ARHGEF28: variants seen among roughly 807,000 people sequenced by gnomAD.
ARHGEF28 encodes the protein Rho guanine nucleotide exchange factor 28, also known as 190 kDa guanine nucleotide exchange factor.
ARHGEF28 carries 152 observed loss-of-function variants against 206.6 expected under a neutral mutation model. That is an observed-to-expected ratio of 0.74 (90% CI 0.64 to 0.84). The LOEUF is 0.84. Ranked by LOEUF, ARHGEF28 falls within the 40% of genes least tolerant of loss-of-function variation. The pLI is 0.00. For missense variants in ARHGEF28, 2,028 were observed against 2,073.2 expected (o/e 0.98, Z 0.42); for synonymous variants, 763 against 776.4 (o/e 0.98, Z 0.29).
chr5:73,792,981 G>A (rs955044894), intron 7 of ARHGEF28, among the ~76,000 whole-genome samples: 7 of 152,142 alleles, frequency 4.6e-5, no homozygotes, highest in Middle Eastern at 3.2e-3. Context: ...GGGATGCTGT[G>A]TACACAAGCT....
chr5:73,736,788 CCA>C (rs1750962126), intron 2 of ARHGEF28, among the ~76,000 whole-genome samples: 1 of 151,528 alleles, frequency 6.6e-6, no homozygotes, highest in Non-Finnish European at 1.5e-5. Context: ...TAGGTACCTG[CCA>C]TGGTAAGGTT....
chr5:73,667,542 T>C (rs1746032361), intron 1 of ARHGEF28, among the ~76,000 whole-genome samples: 1 of 152,136 alleles, frequency 6.6e-6, no homozygotes, highest in Admixed American at 6.5e-5. Context: ...GCCATCAGGG[T>C]CATTCTCCCA....
Position 73,753,131 on chromosome 5 carries a change from A to C in ARHGEF28, c.404A>C (p.Glu135Ala), listed in dbSNP as rs1217089468. Reference sequence around the variant, plus strand: ...GGAGCACTGCCTGCCTTGGATGAGGAGCTCGTGCTGGCTCTGACCCATCTG... The same window carrying C: ...GGAGCACTGCCTGCCTTGGATGAGGCGCTCGTGCTGGCTCTGACCCATCTG... The part of the protein sequence containing the change: ...TAGALPALDE[E>A]LVLALTHLEL... The change falls in exon 4 of 36, where the codon GAG (glutamate) becomes GCG (alanine). Residue 135 changes from glutamate to alanine, a missense_variant. Glu to Ala is a moderately radical substitution (Grantham distance 107). Transcript: ENST00000513042. The C allele has an allele frequency of 6.3e-7, 1 of 1,578,926 alleles. No individual in the cohort carries two copies.
intron 6 of ARHGEF28, chr5:73,778,076 T>TA (rs11378540): frequency 0.42 from 59,234 of 140,558 alleles, 12,456 homozygotes; most frequent in Non-Finnish European, 0.46. Context: ...AGACTCCGTC[T>TA]AAAAAAAAAA....
chr5:73,736,152 T>G (rs1750915951), intron 2 of ARHGEF28, among the ~76,000 whole-genome samples: 1 of 152,252 alleles, frequency 6.6e-6, no homozygotes, highest in South Asian at 2.1e-4. Context: ...TTCACAGTCC[T>G]TGAACATGGT....
intron 2 of ARHGEF28, among the ~76,000 whole-genome samples, chr5:73,740,165 A>C (rs1751293284): frequency 1.4e-5 from 2 of 141,352 alleles, no homozygotes; most frequent in Non-Finnish European, 3.1e-5. Context: ...TGATATAGTG[A>C]GAACCTATCT....
At chr5:73,909,999 TAAG>T in intron 34 of ARHGEF28, 102 bp downstream of exon 34, 1 of 1,387,970 alleles carries the variant, frequency 7.2e-7, no homozygotes, top group South Asian at 1.7e-5. Context: ...TGGATTTGTG[TAAG>T]AAGACCTCAT....
intron 7 of ARHGEF28, chr5:73,786,528 G>A (rs1754171616): frequency 6.6e-6 from 1 of 152,160 alleles, no homozygotes; most frequent in Non-Finnish European, 1.5e-5. Context: ...ATTCCAAATG[G>A]TTCATCTCTC....
intron 9 of ARHGEF28, chr5:73,813,772 C>T (rs555554693): frequency 7.2e-5 from 90 of 1,255,830 alleles, no homozygotes; most frequent in South Asian, 3.8e-4. Context: ...CAATGTAGCG[C>T]GTGTTTATAC....
At chr5:73,761,898 A>T (rs1482364893) in intron 4 of ARHGEF28, among the ~76,000 whole-genome samples, 2 of 151,036 alleles carry the variant, frequency 1.3e-5, no homozygotes, top group Admixed American at 1.3e-4. Flanking sequence ...GTGTCGCTGT[A>T]TTGCCCAGGC....
At chr5:73,885,515 C>G (rs886563845) in intron 24 of ARHGEF28, among the ~76,000 whole-genome samples, 2 of 144,674 alleles carry the variant, frequency 1.4e-5, no homozygotes, top group Non-Finnish European at 3.0e-5. Flanking sequence ...CTCACTCTGT[C>G]TCGTAGGCTG....
intron 16 of ARHGEF28, among the ~76,000 whole-genome samples, chr5:73,863,826 C>T (rs1364967008): frequency 6.6e-6 from 1 of 151,992 alleles, no homozygotes; most frequent in Non-Finnish European, 1.5e-5. Context: ...TGATGCTTAT[C>T]AGCCGGGCCA....
At chr5:73,703,738 G>A (rs1009811224) in intron 2 of ARHGEF28, among the ~76,000 whole-genome samples, 1 of 151,634 alleles carries the variant, frequency 6.6e-6, no homozygotes, top group African/African-American at 2.4e-5. Flanking sequence ...GTCTTGGTTG[G>A]TATAGAAGAT....
At chr5:73,831,970 C>T (rs185963940) in intron 9 of ARHGEF28, among the ~76,000 whole-genome samples, 97 of 152,224 alleles carry the variant, frequency 6.4e-4, no homozygotes, top group African/African-American at 2.1e-3. Flanking sequence ...GGATTACAGG[C>T]GTGAGACACC....
At chr5:73,766,153 C>CA (rs369385323) in intron 4 of ARHGEF28, among the ~76,000 whole-genome samples, 13,305 of 114,446 alleles carry the variant, frequency 0.12, 992 homozygotes, top group African/African-American at 0.23. Context: ...GACTCCATCT[C>CA]AAAAAAAAAA....
chr5:73,646,936 TGTG>T (rs1397927762), intron 1 of ARHGEF28, among the ~76,000 whole-genome samples: 1 of 152,166 alleles, frequency 6.6e-6, no homozygotes, highest in African/African-American at 2.4e-5. Context: ...TGCTTATTGG[TGTG>T]GTGGCAGCTG....
Position 73,755,329 on chromosome 5 carries a change from A to T in ARHGEF28, c.475+2127A>T, listed in dbSNP as rs147050187. ...AAGGTGTTTTTTTGGGGGGGTGTGG[A>T]TCCATTTTGACAAAGACACAAAAGT... On this transcript the variant is annotated intron_variant, in intron 4 of 35. Coordinates refer to ENST00000513042, the MANE Select transcript of ARHGEF28 (RefSeq NM_001177693.2). Among the ~76,000 whole-genome samples, 91 of 151,946 alleles carry T rather than the reference A, an allele frequency of 6.0e-4. No homozygotes were observed. In the East Asian group the frequency reaches 0.015, roughly 25 times the overall value.
chr5:73,817,430 A>G (rs527591639), intron 9 of ARHGEF28, among the ~76,000 whole-genome samples: 35 of 152,342 alleles, frequency 2.3e-4, no homozygotes, highest in South Asian at 8.3e-4. Flanking sequence ...CATGCTTTAC[A>G]TCTATGATAT....
At chr5:73,830,276 G>A (rs762813610) in intron 9 of ARHGEF28, among the ~76,000 whole-genome samples, 1 of 152,016 alleles carries the variant, frequency 6.6e-6, no homozygotes, top group Non-Finnish European at 1.5e-5. Flanking sequence ...TAGACTGGCC[G>A]GGCGTGGTGG....
Sources: allele counts gnomAD v4.1 joint callset (sites outside exome capture counted in the v4.1 genomes callset), GRCh38; gene constraint gnomAD v4.1.1; transcripts MANE v1.5; gene names NCBI Gene and HGNC (gene_info 2026-07-23, HGNC 2026-07-21).